The following YEATS2 variants were observed in gnomAD, a reference collection of about 807,000 sequenced individuals.
YEATS2 encodes the protein YEATS domain containing 2.
A neutral mutation model predicts 163.2 loss-of-function variants in YEATS2; 77 were observed. The observed-to-expected ratio is 0.47, with a 90% CI of 0.39 to 0.57. The LOEUF (loss-of-function observed/expected upper bound fraction) is 0.57, where lower values mean the gene tolerates loss of function less well. Ranked by LOEUF, YEATS2 falls within the 20% of genes least tolerant of loss-of-function variation. The pLI, the probability that YEATS2 is intolerant of heterozygous loss-of-function variation, is 0.00. For synonymous variants in YEATS2, 631 were observed against 645.1 expected (o/e 0.98, Z 0.33); for missense variants, 1,549 against 1,729.8 (o/e 0.90, Z 1.85).
intron 11 of YEATS2, 109 bp from the exon 12 acceptor site, chr3:183,756,419 T>G: frequency 2.8e-6 from 3 of 1,066,476 alleles, no homozygotes; most frequent in Non-Finnish European, 3.9e-6. Flanking sequence ...ATTTTCCCAA[T>G]TTGTTACCTT....
rs144939557 is a variant in YEATS2 at position 183,807,450 on chromosome 3, G to A, written c.4011+358G>A. ...GCACCTTTCCCTCATGAGGCACGTC[G>A]TACTCTTTCTGAGTTGCACGTCAGC... On this transcript the variant is annotated intron_variant, in intron 28 of 30. Transcript: ENST00000305135. 8.0e-5 allele frequency: 24 copies of A among 299,178 alleles called. No homozygotes were observed. In the East Asian group the frequency reaches 1.8e-3, roughly 22 times the overall value. 18.5% of individuals were successfully genotyped at this position (299,178 alleles called of 1,614,324 possible).
chr3:183,808,003 A>G (rs781069400), intron 28 of YEATS2, 27 bp from the exon 29 acceptor site: 1 of 1,547,896 alleles, frequency 6.5e-7, no homozygotes, highest in South Asian at 1.2e-5. Flanking sequence ...AGCGATACGA[A>G]CAAACGGCTT....
Position 183,762,191 on chromosome 3 carries a change from G to C in YEATS2, c.1859G>C (p.Gly620Ala). 6.2e-7 allele frequency: 1 copy of C among 1,614,106 alleles called. No homozygotes were observed. The highest frequency in any genetic ancestry group is 8.5e-7 in the Non-Finnish European group (1 of 1,180,026). The change falls in exon 15 of 31, where the codon GGG becomes GCG. Residue 620 changes from glycine (G) to alanine (A), a missense_variant. Transcript: ENST00000305135. Reference protein sequence around the residue: ...SPLPQYVTVKGGHMIAVSPQK... With the variant: ...SPLPQYVTVKAGHMIAVSPQK... ...CTCCCGCAGTATGTGACTGTGAAAG[G>C]GGGTCACATGATAGCTGTGTCCCCT...
At chr3:183,792,659 A>G (rs990240816) in intron 21 of YEATS2, among the ~76,000 whole-genome samples, 2 of 152,048 alleles carry the variant, frequency 1.3e-5, no homozygotes, top group African/African-American at 2.4e-5. Flanking sequence ...CTGGGATTAC[A>G]GGCACCCGCC....
chr3:183,794,627 G>C (rs770363864), intron 21 of YEATS2, among the ~76,000 whole-genome samples: 2 of 152,206 alleles, frequency 1.3e-5, no homozygotes, highest in African/African-American at 4.8e-5. Context: ...ATGCGTGACC[G>C]GCTGAGGGCT....
rs967027363 is a variant in YEATS2, at chr3:183,800,368, C to T, written c.3326-98C>T. 4 of 824,374 alleles carry T rather than the reference C, an allele frequency of 4.9e-6. No homozygotes were observed. In the African/African-American group the frequency reaches 6.9e-5, roughly 14 times the overall value. The allele number at this position is 824,374 out of a possible 1,614,324, so 51.1% of individuals were successfully genotyped here. A position where few individuals can be genotyped will look rare whatever the true frequency, so the allele number is the denominator to read the frequency against. ...CCCACAACAGCTGGAGTGGCAGTTT[C>T]CTTACTGAGCTTCACTGTAAGAGCT... is the stretch of plus-strand genomic sequence containing the variant. On this transcript the variant is annotated intron_variant, in intron 23 of 30. Transcript: ENST00000305135.
rs1724037690 is a variant in YEATS2 at position 183,786,122 on chromosome 3, C to G, written c.2737-3C>G. The stretch of plus-strand genomic sequence containing the variant: ...ATTATTTCTGCCCATCTTGTTTCTG[C>G]AGGCAGCCCATGGAGGACAGGCATC... On this transcript the variant is annotated splice_region_variant and splice_polypyrimidine_tract_variant and intron_variant, in intron 19 of 30. Coordinates refer to ENST00000305135, the MANE Select transcript of YEATS2 (RefSeq NM_018023.5). 1.2e-6 allele frequency: 2 copies of G among 1,608,680 alleles called. No homozygotes were observed. The highest frequency in any genetic ancestry group is 1.7e-6 in the Non-Finnish European group (2 of 1,175,606).
At chr3:183,790,701 G>A in intron 20 of YEATS2, 96 bp from the exon 21 acceptor site, 1 of 1,309,598 alleles carries the variant, frequency 7.6e-7, no homozygotes, top group Non-Finnish European at 1.1e-6. Flanking sequence ...CCTAATAGAT[G>A]ATATTTAGTG....
chr3:183,730,246 G>A (rs1025282999), intron 7 of YEATS2, among the ~76,000 whole-genome samples: 1 of 150,296 alleles, frequency 6.7e-6, no homozygotes, highest in African/African-American at 2.5e-5. Flanking sequence ...TGTATATTTT[G>A]TAGAGACGGG....
intron 19 of YEATS2, among the ~76,000 whole-genome samples, chr3:183,781,538 G>T (rs1723561671): frequency 6.6e-6 from 1 of 152,154 alleles, no homozygotes; most frequent in Middle Eastern, 3.4e-3. Flanking sequence ...GCATCCCTCA[G>T]CCCACTCAAG....
intron 9 of YEATS2, among the ~76,000 whole-genome samples, chr3:183,751,033 T>C (rs1311760344): frequency 6.6e-6 from 1 of 152,238 alleles, no homozygotes; most frequent in Non-Finnish European, 1.5e-5. Context: ...AAATTCAGTG[T>C]CATGAAGCTT....
chr3:183,755,741 C>CTTTTTTTTTTTTTT lies in YEATS2; in HGVS notation c.1391-771_1391-758dup, dbSNP rs57050296. On this transcript the variant is annotated intron_variant, in intron 11 of 30. Transcript: ENST00000305135. Reference sequence around the variant, plus strand: ...ACTTACTGATTTTCTTCCTTCCTTTCTTTTTTTTTTTTTTTTTTTTTTTTT... The same window carrying CTTTTTTTTTTTTTT: ...ACTTACTGATTTTCTTCCTTCCTTTCTTTTTTTTTTTTTTTTTTTTTTTTTTTTTTTTTTTTTTT... Among the ~76,000 whole-genome samples the CTTTTTTTTTTTTTT allele has an allele frequency of 2.8e-4, 23 of 82,200 alleles. 1 individual carries two copies. Among genetic ancestry groups the CTTTTTTTTTTTTTT allele is most frequent in the African/African-American group, 9.1e-4 (15 of 16,558 alleles). The allele number at this position is 82,200 out of a possible 152,430, so 53.9% of individuals were successfully genotyped here.
At chr3:183,703,188 G>A (rs9826007) in intron 1 of YEATS2, among the ~76,000 whole-genome samples, 1 of 152,046 alleles carries the variant, frequency 6.6e-6, no homozygotes, top group Non-Finnish European at 1.5e-5. Flanking sequence ...TGACCAGATC[G>A]CTCAGCTTCT....
At chr3:183,761,459 A>C in intron 13 of YEATS2, 48 bp from the exon 14 acceptor site, 1 of 1,485,528 alleles carries the variant, frequency 6.7e-7, no homozygotes, top group South Asian at 1.1e-5. Context: ...AGATATCTGA[A>C]ATCACCCATT....
intron 8 of YEATS2, among the ~76,000 whole-genome samples, chr3:183,742,623 C>T (rs1440405187): frequency 6.6e-6 from 1 of 152,204 alleles, no homozygotes; most frequent in African/African-American, 2.4e-5. Flanking sequence ...GCATCCACTC[C>T]TGGTGATGAT....
intron 4 of YEATS2, among the ~76,000 whole-genome samples, chr3:183,719,167 T>C (rs945031284): frequency 6.7e-6 from 1 of 148,882 alleles, no homozygotes; most frequent in African/African-American, 2.6e-5. Context: ...TTTTTTTTTT[T>C]GTTTGTTTTT....
chr3:183,781,886 G>A (rs1385562362), intron 19 of YEATS2, among the ~76,000 whole-genome samples: 2 of 151,340 alleles, frequency 1.3e-5, no homozygotes, highest in African/African-American at 2.4e-5. Flanking sequence ...CTGGGCGATA[G>A]AGCAACACCC....
chr3:183,743,291 T>C (rs1719169479), intron 8 of YEATS2, among the ~76,000 whole-genome samples: 1 of 152,212 alleles, frequency 6.6e-6, no homozygotes, highest in Non-Finnish European at 1.5e-5. Context: ...TCTCATGCCC[T>C]GTTTTTGGTT....
At chr3:183,725,280 A>G (rs1273683105) in intron 6 of YEATS2, among the ~76,000 whole-genome samples, 1 of 152,120 alleles carries the variant, frequency 6.6e-6, no homozygotes, top group Non-Finnish European at 1.5e-5. Flanking sequence ...TGCAGTTTGT[A>G]GAATATGCTA....
Sources: gnomAD v4.1 joint callset for allele counts (sites outside exome capture counted in the v4.1 genomes callset) on GRCh38, gnomAD v4.1.1 for gene constraint, MANE v1.5 for transcripts, NCBI Gene and HGNC (gene_info 2026-07-23, HGNC 2026-07-21) for gene names.